The following COMMD1 variants were observed in gnomAD, a reference collection of about 807,000 sequenced individuals.
COMMD1 encodes the protein COMM domain-containing protein 1.
Under a neutral mutation model 17.2 loss-of-function variants are expected in COMMD1, and 10 were observed. The observed-to-expected ratio is 0.58, with a 90% CI of 0.36 to 0.99. The LOEUF (loss-of-function observed/expected upper bound fraction) is 0.99, where lower values mean the gene tolerates loss of function less well. Among genes scored for constraint, COMMD1 ranks in the 50% least tolerant of loss-of-function variants. COMMD1 has a pLI of 0.01. For missense variants in COMMD1, 270 were observed against 231.8 expected (o/e 1.17, Z -1.07); for synonymous variants, 97 against 91.6 (o/e 1.06, Z -0.34).
Position 62,000,904 on chromosome 2 carries a change from C to A in COMMD1, c.384C>A (p.Gly128=). 1 of 1,614,098 alleles carries A rather than the reference C, an allele frequency of 6.2e-7. No homozygotes were observed. Among genetic ancestry groups the A allele is most frequent in the Non-Finnish European group, 8.5e-7 (1 of 1,179,972 alleles). ...GGGGCCTGAGCTGGAGAGTTGATGGCAAGTCTCAGTCAAGGCACTCAGCTC... is the reference window on the plus strand; with the variant it reads ...GGGGCCTGAGCTGGAGAGTTGATGGAAAGTCTCAGTCAAGGCACTCAGCTC... ...GLRGLSWRVD[G]KSQSRHSAQI... The change falls in exon 2 of 3, where the codon GGC becomes GGA. Residue 128 remains glycine, a synonymous_variant. Coordinates refer to ENST00000311832, the MANE Select transcript of COMMD1 (RefSeq NM_152516.4).
chr2:61,901,060 T>G (rs1364418597), upstream of COMMD1, among the ~76,000 whole-genome samples: 1 of 151,956 alleles, frequency 6.6e-6, no homozygotes, highest in African/African-American at 2.4e-5. Context: ...AATTCTCTTG[T>G]CTCAGTCTCC....
chr2:62,068,683 G>A (rs949712976), intron 2 of COMMD1, among the ~76,000 whole-genome samples: 1 of 146,708 alleles, frequency 6.8e-6, no homozygotes, highest in African/African-American at 2.5e-5. Flanking sequence ...GGAGTGCAGT[G>A]GCGCGATCTC....
intron 2 of COMMD1, among the ~76,000 whole-genome samples, chr2:62,029,253 T>C (rs1436783082): frequency 2.0e-5 from 3 of 152,154 alleles, no homozygotes; most frequent in African/African-American, 7.2e-5. Context: ...TGGTATCAAA[T>C]TACAAGCCCA....
At chr2:61,961,090 AC>A (rs1671331383) in intron 1 of COMMD1, among the ~76,000 whole-genome samples, 1 of 152,230 alleles carries the variant, frequency 6.6e-6, no homozygotes, top group South Asian at 2.1e-4. Context: ...ACGTTGGAGC[AC>A]CAAATTGTTG....
chr2:62,063,433 G>A lies in COMMD1; in HGVS notation c.462+62451G>A, dbSNP rs375277044. 4.0e-5 allele frequency among the ~76,000 whole-genome samples: 6 copies of A among 151,804 alleles called. No homozygotes were observed. The East Asian group carries it at 7.8e-4, about 20-fold the overall frequency. On this transcript the variant is annotated intron_variant, in intron 2 of 2. Coordinates refer to ENST00000311832, the MANE Select transcript of COMMD1 (RefSeq NM_152516.4). ...TCTTAATCTCCTGACCTCATGATCC[G>A]CCCGCCTCAGCCTCCCAAAGTGCTG...
chr2:62,090,376 C>T (rs1671792719), intron 2 of COMMD1, among the ~76,000 whole-genome samples: 1 of 152,092 alleles, frequency 6.6e-6, no homozygotes, highest in Non-Finnish European at 1.5e-5. Flanking sequence ...TCATTTGAAC[C>T]CTATGATAGA....
intron 1 of COMMD1, among the ~76,000 whole-genome samples, chr2:61,941,021 C>G (rs897028474): frequency 6.8e-6 from 1 of 147,616 alleles, no homozygotes; most frequent in Admixed American, 6.7e-5. Flanking sequence ...TTTCCTTTCC[C>G]TTTTTTTTGT....
At chr2:61,939,815 C>T (rs1466371467) in intron 1 of COMMD1, among the ~76,000 whole-genome samples, 2 of 152,158 alleles carry the variant, frequency 1.3e-5, no homozygotes, top group African/African-American at 4.8e-5. Context: ...CTCAGAACTG[C>T]CATTCACAAG....
chr2:61,893,866 G>C (rs1669496275), intron 1 of COMMD1, among the ~76,000 whole-genome samples: 1 of 151,840 alleles, frequency 6.6e-6, no homozygotes, highest in African/African-American at 2.4e-5. Context: ...AGACATGAGT[G>C]TTGTTTTAGG....
chr2:61,988,350 G>T (rs979259798), intron 1 of COMMD1, among the ~76,000 whole-genome samples: 1 of 152,144 alleles, frequency 6.6e-6, no homozygotes, highest in Non-Finnish European at 1.5e-5. Flanking sequence ...ATTATTCAGG[G>T]CTGAAAGGCC....
At chr2:62,051,968 G>A (rs1193690086) in intron 2 of COMMD1, among the ~76,000 whole-genome samples, 2 of 152,142 alleles carry the variant, frequency 1.3e-5, no homozygotes, top group Admixed American at 6.5e-5. Context: ...TGGAAGAATA[G>A]TAATAAAAAG....
chr2:61,902,020 A>C (rs1015438118), upstream of COMMD1, among the ~76,000 whole-genome samples: 1 of 151,824 alleles, frequency 6.6e-6, no homozygotes, highest in Non-Finnish European at 1.5e-5. Flanking sequence ...TTTAGTAGAG[A>C]TGAAGTTTCA....
At chr2:62,057,532 CA>C (rs1670741202) in intron 2 of COMMD1, among the ~76,000 whole-genome samples, 1 of 152,046 alleles carries the variant, frequency 6.6e-6, no homozygotes, top group Non-Finnish European at 1.5e-5. Context: ...AAATTTAGCA[CA>C]AAAATTTTGA....
At chr2:61,974,003 C>T (rs866876505) in intron 1 of COMMD1, among the ~76,000 whole-genome samples, 1 of 152,232 alleles carries the variant, frequency 6.6e-6, no homozygotes, top group Admixed American at 6.5e-5. Flanking sequence ...TCTAGAACAT[C>T]ATATAATGGG....
chr2:62,018,534 G>A (rs1045929911), intron 2 of COMMD1, among the ~76,000 whole-genome samples: 2 of 152,040 alleles, frequency 1.3e-5, no homozygotes, highest in Non-Finnish European at 2.9e-5. Flanking sequence ...TCAGATCACT[G>A]TTTCAGTTTT....
At chr2:62,033,746 G>T (rs1354994212) in intron 2 of COMMD1, among the ~76,000 whole-genome samples, 2 of 152,114 alleles carry the variant, frequency 1.3e-5, no homozygotes, top group Non-Finnish European at 2.9e-5. Flanking sequence ...ATTAGAGAGG[G>T]TGAAACTCAT....
At chr2:62,066,618 G>A (rs1170468692) in intron 2 of COMMD1, among the ~76,000 whole-genome samples, 1 of 151,598 alleles carries the variant, frequency 6.6e-6, no homozygotes, top group Non-Finnish European at 1.5e-5. Context: ...AGCCAGGATG[G>A]TCTCCATCTC....
chr2:62,009,631 A>G (rs1240154586), intron 2 of COMMD1, among the ~76,000 whole-genome samples: 2 of 151,766 alleles, frequency 1.3e-5, no homozygotes, highest in African/African-American at 2.4e-5. Flanking sequence ...AAGAATAAGA[A>G]ATTTTGTTTC....
chr2:61,950,169 CG>C (rs1365468640), intron 1 of COMMD1, among the ~76,000 whole-genome samples: 2 of 152,118 alleles, frequency 1.3e-5, no homozygotes, highest in African/African-American at 4.8e-5. Context: ...AGCTGGACCC[CG>C]AGATTTAGGG....
Sources: gnomAD v4.1 joint callset for allele counts (sites outside exome capture counted in the v4.1 genomes callset) on GRCh38, gnomAD v4.1.1 for gene constraint, MANE v1.5 for transcripts, NCBI Gene and HGNC (gene_info 2026-07-23, HGNC 2026-07-21) for gene names.